Variants in SPATA6 observed in about 807,000 individuals in gnomAD.
SPATA6 encodes the protein spermatogenesis associated 6, also known as spermatogenesis-associated protein 6.
In SPATA6, 56 loss-of-function variants were observed where a neutral mutation model predicts 65.3. The ratio of observed to expected loss-of-function variants is 0.86; its 90% CI spans 0.69 to 1.07. The LOEUF is 1.07. Ranked by LOEUF, SPATA6 falls within the 50% of genes least tolerant of loss-of-function variation. The probability of loss-of-function intolerance (pLI) is 0.00; values close to 1 mark genes in which losing one functional copy is unlikely to be tolerated. For missense variants in SPATA6, 590 were observed against 594.8 expected (o/e 0.99, Z 0.08); for synonymous variants, 199 against 213.2 (o/e 0.93, Z 0.58).
intron 1 of SPATA6, among the ~76,000 whole-genome samples, chr1:48,463,923 G>C (rs1055407306): frequency 6.6e-6 from 1 of 151,086 alleles, no homozygotes; most frequent in African/African-American, 2.4e-5. Context: ...TACAGGAATA[G>C]GAATAGTTCA....
chr1:48,365,993 T>A (rs1646995659), intron 9 of SPATA6, among the ~76,000 whole-genome samples: 1 of 152,246 alleles, frequency 6.6e-6, no homozygotes, highest in Admixed American at 6.5e-5. Context: ...ATTGAGACTT[T>A]TTAGCATGAA....
chr1:48,439,737 G>A (rs975149540), intron 3 of SPATA6, among the ~76,000 whole-genome samples: 11 of 151,528 alleles, frequency 7.3e-5, no homozygotes, highest in Non-Finnish European at 1.6e-4. Context: ...CTAAGCCATT[G>A]GGACAGGCAT....
intron 8 of SPATA6, among the ~76,000 whole-genome samples, chr1:48,388,453 T>C (rs1052080158): frequency 4.6e-5 from 7 of 151,690 alleles, no homozygotes; most frequent in African/African-American, 7.3e-5. Flanking sequence ...ATATGACACC[T>C]CCAAAGGAAC....
At chr1:48,285,658 C>A in the SPATA6 span, among the ~76,000 whole-genome samples, 1 of 152,076 alleles carries the variant, frequency 6.6e-6, no homozygotes, top group Non-Finnish European at 1.5e-5. Flanking sequence ...TTCCTCATGG[C>A]ACAGTCCCTC....
At chr1:48,282,578 G>A in the SPATA6 span, among the ~76,000 whole-genome samples, 14 of 152,068 alleles carry the variant, frequency 9.2e-5, no homozygotes, top group African/African-American at 3.1e-4. Context: ...CAAAACACAT[G>A]AAAAAATGCT....
At chr1:48,457,643 C>T (rs543790264) in intron 1 of SPATA6, among the ~76,000 whole-genome samples, 14 of 152,112 alleles carry the variant, frequency 9.2e-5, no homozygotes, top group African/African-American at 2.2e-4. Context: ...TAATTCAATA[C>T]CCACAAAAAT....
chr1:48,379,302 C>CCT (rs1314825062), intron 9 of SPATA6, among the ~76,000 whole-genome samples: 1 of 152,020 alleles, frequency 6.6e-6, no homozygotes, highest in Admixed American at 6.6e-5. Context: ...GATCCAGTCA[C>CCT]CTCTCTCTCT....
At chr1:48,436,448 T>A (rs1437297419) in intron 3 of SPATA6, 1 of 1,607,334 alleles carries the variant, frequency 6.2e-7, no homozygotes, top group Non-Finnish European at 8.5e-7. Context: ...GAAACTTTAA[T>A]AAGAAACATT....
At chr1:48,335,813 C>T (rs1350738973) in intron 11 of SPATA6, among the ~76,000 whole-genome samples, 3 of 152,046 alleles carry the variant, frequency 2.0e-5, no homozygotes, top group African/African-American at 7.2e-5. Context: ...AGGTTTTGCA[C>T]AGCAAAAGAA....
At chr1:48,316,553 T>A (rs543056441) in intron 11 of SPATA6, among the ~76,000 whole-genome samples, 3 of 144,738 alleles carry the variant, frequency 2.1e-5, no homozygotes, top group East Asian at 2.0e-4. Context: ...AAAGACTTAC[T>A]TGTTAGACCT....
In SPATA6 at chr1:48,369,499, C is replaced by G. The variant is rs1270286480; in HGVS notation, c.910-9729G>C. On this transcript the variant is annotated intron_variant, in intron 9 of 12. Transcript: ENST00000371847. Reference sequence around the variant, plus strand: ...GCAATGGTAGGTGCCCCTCCCCCAGCCTGGCTGCCGCCTTGCAGTTTGATC... The same window carrying G: ...GCAATGGTAGGTGCCCCTCCCCCAGGCTGGCTGCCGCCTTGCAGTTTGATC... Among the ~76,000 whole-genome samples, 11 of 152,348 alleles carry G rather than the reference C, an allele frequency of 7.2e-5. No homozygotes were observed. In the East Asian group the frequency reaches 2.1e-3, roughly 29 times the overall value.
At chr1:48,319,018 G>T (rs1032935885) in intron 11 of SPATA6, among the ~76,000 whole-genome samples, 1 of 152,068 alleles carries the variant, frequency 6.6e-6, no homozygotes, top group African/African-American at 2.4e-5. Flanking sequence ...TTCAATGGGG[G>T]AGCAATCTTT....
intron 9 of SPATA6, among the ~76,000 whole-genome samples, chr1:48,370,196 G>C (rs1243611138): frequency 6.6e-6 from 1 of 152,170 alleles, no homozygotes; most frequent in Non-Finnish European, 1.5e-5. Context: ...AGCCTACATA[G>C]TGCCTAGTAT....
rs116756181 is a variant in SPATA6 at position 48,328,233 on chromosome 1, G to A, written c.1195-22355C>T. Among the ~76,000 whole-genome samples, 570 of 152,090 alleles carry A rather than the reference G, an allele frequency of 3.7e-3. 6 individuals are homozygous for A. Among genetic ancestry groups the A allele is most frequent in the African/African-American group, 0.013 (550 of 41,506 alleles). ...AGGATGCCAGGTGAAAAGGCAAAAT[G>A]GTAAGCCATTATAAATAATAGTTTG... On this transcript the variant is annotated intron_variant, in intron 11 of 12. Transcript: ENST00000371847.
chr1:48,371,316 T>C (rs1388300271), intron 9 of SPATA6, among the ~76,000 whole-genome samples: 1 of 151,164 alleles, frequency 6.6e-6, no homozygotes, highest in Non-Finnish European at 1.5e-5. Context: ...GATAGATAGA[T>C]ATTCAAACAA....
At chr1:48,343,373 T>G (rs892303095) in intron 11 of SPATA6, among the ~76,000 whole-genome samples, 1 of 152,168 alleles carries the variant, frequency 6.6e-6, no homozygotes, top group Admixed American at 6.6e-5. Flanking sequence ...CTTTGGAGAA[T>G]GTTAAAGAAC....
At chr1:48,279,701 A>C in the SPATA6 span, among the ~76,000 whole-genome samples, 1 of 152,216 alleles carries the variant, frequency 6.6e-6, no homozygotes. Flanking sequence ...AGTGACCTAC[A>C]AAGAGACTTA....
At chr1:48,344,639 A>ACG (rs1300905372) in intron 11 of SPATA6, among the ~76,000 whole-genome samples, 1 of 152,164 alleles carries the variant, frequency 6.6e-6, no homozygotes, top group Non-Finnish European at 1.5e-5. Context: ...GACCCAAGAG[A>ACG]CATGCAGTGA....
At chr1:48,280,033 G>C in the SPATA6 span, among the ~76,000 whole-genome samples, 311 of 152,170 alleles carry the variant, frequency 2.0e-3, no homozygotes, top group Middle Eastern at 6.8e-3. Flanking sequence ...GAAACTCACT[G>C]AAAACCGCTC....
Sources: gnomAD v4.1 joint callset for allele counts (sites outside exome capture counted in the v4.1 genomes callset) on GRCh38, gnomAD v4.1.1 for gene constraint, MANE v1.5 for transcripts, NCBI Gene and HGNC (gene_info 2026-07-23, HGNC 2026-07-21) for gene names.